Variants in GRB10 observed in about 807,000 individuals in gnomAD.
GRB10 encodes growth factor receptor bound protein 10, also known as growth factor receptor-bound protein 10.
GRB10 carries 20 observed loss-of-function variants against 80.9 expected under a neutral mutation model. The ratio of observed to expected loss-of-function variants is 0.25; its 90% confidence interval spans 0.17 to 0.36. The LOEUF (loss-of-function observed/expected upper bound fraction) is 0.36. Ranked by LOEUF, GRB10 falls within the 10% of genes least tolerant of loss-of-function variation. GRB10 has a pLI of 1.00. For missense variants in GRB10, 548 were observed against 747.7 expected (o/e 0.73, Z 3.12); for synonymous variants, 291 against 291.5 (o/e 1.00, Z 0.02).
chr7:50,679,569 A>T (rs886396824), intron 5 of GRB10, among the ~76,000 whole-genome samples: 15 of 152,138 alleles, frequency 9.9e-5, no homozygotes, highest in African/African-American at 3.4e-4. Flanking sequence ...GTCCATTACG[A>T]TCCCTTCTTC....
intron 7 of GRB10, among the ~76,000 whole-genome samples, chr7:50,646,984 C>T (rs1208325489): frequency 6.6e-6 from 1 of 152,150 alleles, no homozygotes; most frequent in Non-Finnish European, 1.5e-5. Flanking sequence ...AGTCGGCAAC[C>T]CCAAGCATCC....
At chr7:50,651,491 G>A (rs567619940) in intron 7 of GRB10, among the ~76,000 whole-genome samples, 1 of 152,238 alleles carries the variant, frequency 6.6e-6, no homozygotes, top group South Asian at 2.1e-4. Flanking sequence ...ATTGGCTAAG[G>A]AGCCCAGCCT....
chr7:50,746,133 A>C (rs1401871532), intron 3 of GRB10, among the ~76,000 whole-genome samples: 1 of 152,204 alleles, frequency 6.6e-6, no homozygotes, highest in Non-Finnish European at 1.5e-5. Flanking sequence ...ATGGTTCCCA[A>C]CTTGACAATG....
At chr7:50,670,409 T>C (rs2060239739) in intron 6 of GRB10, among the ~76,000 whole-genome samples, 1 of 152,034 alleles carries the variant, frequency 6.6e-6, no homozygotes, top group South Asian at 2.1e-4. Flanking sequence ...AAACAGTTAA[T>C]ATGGTAAATT....
intron 7 of GRB10, among the ~76,000 whole-genome samples, chr7:50,665,361 A>G (rs2059689637): frequency 6.6e-6 from 1 of 152,382 alleles, no homozygotes; most frequent in African/African-American, 2.4e-5. Context: ...TTCATCATCA[A>G]CAACAAAATA....
In GRB10 at chr7:50,732,379, G is replaced by C; in HGVS notation, c.-46-11C>G. On this transcript the variant is annotated splice_polypyrimidine_tract_variant and intron_variant, in intron 3 of 18. Transcript: ENST00000401949. ...ACTGCGCTGCAGCACCTGGAATAAA[G>C]ACAGACTGTGAGAAGCCAAGCCAGA... 2.1e-6 allele frequency: 3 copies of C among 1,431,798 alleles called. No homozygotes were observed. The highest frequency in any genetic ancestry group is 1.2e-5 in the South Asian group (1 of 85,430). 88.7% of individuals were successfully genotyped at this position (1,431,798 alleles called of 1,614,324 possible).
intron 7 of GRB10, among the ~76,000 whole-genome samples, chr7:50,639,472 G>T (rs1048242915): frequency 6.6e-6 from 1 of 151,440 alleles, no homozygotes; most frequent in African/African-American, 2.4e-5. Flanking sequence ...TCAGGAGATC[G>T]AGATCATCCT....
chr7:50,740,373 G>C (rs1446063609), intron 3 of GRB10, among the ~76,000 whole-genome samples: 1 of 152,208 alleles, frequency 6.6e-6, no homozygotes, highest in Non-Finnish European at 1.5e-5. Context: ...GCCATACCCA[G>C]AACAGCAGAT....
intron 7 of GRB10, among the ~76,000 whole-genome samples, chr7:50,644,976 A>G (rs1429555948): frequency 6.6e-6 from 1 of 152,246 alleles, no homozygotes; most frequent in East Asian, 1.9e-4. Flanking sequence ...AAACACTGCA[A>G]AAGGGCTATA....
chr7:50,733,604 T>TACTGGCACAATGAAGGGAGCAGTACA (rs2070283210), intron 3 of GRB10, among the ~76,000 whole-genome samples: 1 of 152,214 alleles, frequency 6.6e-6, no homozygotes, highest in Non-Finnish European at 1.5e-5. Context: ...AGCAGGTCCA[T>TACTGGCACAATGAAGGGAGCAGTACA]GACCTGGCTC....
intron 7 of GRB10, among the ~76,000 whole-genome samples, chr7:50,658,503 G>T (rs2058878624): frequency 6.6e-6 from 1 of 152,172 alleles, no homozygotes; most frequent in Non-Finnish European, 1.5e-5. Flanking sequence ...CACTGCCCTT[G>T]CCTTTGAGTC....
chr7:50,725,385 CTA>C (rs1165116837), intron 4 of GRB10, among the ~76,000 whole-genome samples: 24 of 152,212 alleles, frequency 1.6e-4, no homozygotes, highest in African/African-American at 4.8e-4. Context: ...GGCTGCGGAA[CTA>C]TGAGTCAATT....
At chr7:50,792,519 T>G (rs983504938) in intron 1 of GRB10, 2 of 396,908 alleles carry the variant, frequency 5.0e-6, no homozygotes, top group Non-Finnish European at 8.9e-6. Flanking sequence ...AGGCGAAGAG[T>G]TGCATCAGAA....
In GRB10 at chr7:50,674,609, C is replaced by T; in HGVS notation, c.189G>A (p.Leu63=). 1 of 1,613,818 alleles carries T rather than the reference C, an allele frequency of 6.2e-7. No individual in the cohort carries two copies. The highest frequency in any genetic ancestry group is 8.5e-7 in the Non-Finnish European group (1 of 1,180,040). Residue 63 remains leucine, a synonymous_variant, in exon 6 of 19, where the codon CTG becomes CTA. Coordinates refer to ENST00000401949, the MANE Select transcript of GRB10 (RefSeq NM_001350814.2). The part of the protein sequence containing the change: ...EALVNDMNAS[L]ESLYSACSMQ... ...TGCTGCAGGCCGAGTACAGGCTCTCCAGGGATGCATTCATATCGTTCACCA... is the reference window on the plus strand; with the variant it reads ...TGCTGCAGGCCGAGTACAGGCTCTCTAGGGATGCATTCATATCGTTCACCA...
At chr7:50,732,840 T>C (rs747831960) in intron 3 of GRB10, among the ~76,000 whole-genome samples, 30 of 152,144 alleles carry the variant, frequency 2.0e-4, no homozygotes, top group African/African-American at 5.6e-4. Flanking sequence ...CCACAAGCCA[T>C]AGAACAAATC....
At chr7:50,646,346 G>A (rs2057186720) in intron 7 of GRB10, among the ~76,000 whole-genome samples, 1 of 152,110 alleles carries the variant, frequency 6.6e-6, no homozygotes, top group Non-Finnish European at 1.5e-5. Context: ...TGAAGCTGCA[G>A]GGGAAATCAC....
At chr7:50,717,202 A>G (rs1390069160) in intron 4 of GRB10, among the ~76,000 whole-genome samples, 2 of 151,834 alleles carry the variant, frequency 1.3e-5, no homozygotes, top group Non-Finnish European at 2.9e-5. Flanking sequence ...GCAGCCTAAC[A>G]ACTGCAAGGG....
chr7:50,720,086 C>G (rs978101638), intron 4 of GRB10, among the ~76,000 whole-genome samples: 2 of 152,126 alleles, frequency 1.3e-5, no homozygotes, highest in Admixed American at 1.3e-4. Context: ...TAAAGAAACA[C>G]GGTTTCCTAC....
At chr7:50,625,131 G>A (rs2052645718) in intron 8 of GRB10, among the ~76,000 whole-genome samples, 1 of 152,024 alleles carries the variant, frequency 6.6e-6, no homozygotes, top group South Asian at 2.1e-4. Context: ...TGATAGTCTA[G>A]AAATCAAAGG....
Sources: gnomAD v4.1 joint callset for allele counts (sites outside exome capture counted in the v4.1 genomes callset) on GRCh38, gnomAD v4.1.1 for gene constraint, MANE v1.5 for transcripts, NCBI Gene and HGNC (gene_info 2026-07-23, HGNC 2026-07-21) for gene names.